Variants in ISM1 observed in about 807,000 individuals in gnomAD.
ISM1 encodes isthmin 1, also known as isthmin-1.
In ISM1, 25 loss-of-function variants were observed where a neutral mutation model predicts 46.3. That is an observed-to-expected ratio of 0.54 (90% CI 0.39 to 0.75). ISM1 has a LOEUF of 0.75. Ranked by LOEUF, ISM1 falls within the 30% of genes least tolerant of loss-of-function variation. The probability of loss-of-function intolerance (pLI) is 0.00; values close to 1 mark genes in which losing one functional copy is unlikely to be tolerated. For synonymous variants in ISM1, 255 were observed against 256.7 expected (o/e 0.99, Z 0.06); for missense variants, 536 against 625.4 (o/e 0.86, Z 1.52).
chr20:13,301,677 G>T (rs545747335), downstream of ISM1, among the ~76,000 whole-genome samples: 100 of 152,162 alleles, frequency 6.6e-4, 1 homozygote, highest in Non-Finnish European at 4.0e-4. Flanking sequence ...ATATAGATTT[G>T]GTTTATAATA....
intron 2 of ISM1, among the ~76,000 whole-genome samples, chr20:13,277,013 G>C (rs888219409): frequency 1.3e-5 from 2 of 152,114 alleles, no homozygotes; most frequent in Non-Finnish European, 2.9e-5. Context: ...TAGCAATTAA[G>C]GGGAAAAATA....
intron 5 of ISM1, among the ~76,000 whole-genome samples, chr20:13,294,479 C>T (rs1036063206): frequency 2.6e-5 from 4 of 152,180 alleles, no homozygotes; most frequent in African/African-American, 7.2e-5. Context: ...TCATATCACA[C>T]CCCACAGGCA....
intron 5 of ISM1, among the ~76,000 whole-genome samples, chr20:13,293,136 G>T (rs1488117331): frequency 6.6e-6 from 1 of 150,486 alleles, no homozygotes; most frequent in Non-Finnish European, 1.5e-5. Flanking sequence ...GGAGGCGGAG[G>T]TTGCAGTGAG....
chr20:13,222,505 C>A (rs759377483), intron 1 of ISM1, among the ~76,000 whole-genome samples: 3 of 152,072 alleles, frequency 2.0e-5, no homozygotes, highest in Admixed American at 1.3e-4. Context: ...CCCCCCTCCC[C>A]CCTTGTGCCC....
chr20:13,318,849 T>C, the ISM1 span, among the ~76,000 whole-genome samples: 1 of 152,174 alleles, frequency 6.6e-6, no homozygotes, highest in African/African-American at 2.4e-5. Flanking sequence ...AGGAAAAAGA[T>C]CAATGGTTGC....
the ISM1 span, among the ~76,000 whole-genome samples, chr20:13,319,156 A>G: frequency 6.6e-5 from 10 of 152,042 alleles, no homozygotes; most frequent in Admixed American, 5.2e-4. Context: ...CTTCTGTTCA[A>G]TTTCGTTATG....
the ISM1 span, among the ~76,000 whole-genome samples, chr20:13,326,361 G>A: frequency 6.6e-6 from 1 of 152,096 alleles, no homozygotes; most frequent in Non-Finnish European, 1.5e-5. Flanking sequence ...CATGTAGTAT[G>A]TATATGTATA....
intron 5 of ISM1, among the ~76,000 whole-genome samples, chr20:13,298,380 T>G (rs1297541031): frequency 6.6e-6 from 1 of 152,196 alleles, no homozygotes; most frequent in Non-Finnish European, 1.5e-5. Flanking sequence ...CCTCCCAAAG[T>G]GCTGGGATTA....
At chr20:13,242,260 A>C (rs2039734748) in intron 1 of ISM1, among the ~76,000 whole-genome samples, 1 of 152,214 alleles carries the variant, frequency 6.6e-6, no homozygotes, top group Non-Finnish European at 1.5e-5. Context: ...ATGGTAAAGA[A>C]GACTAAGCCA....
downstream of ISM1, among the ~76,000 whole-genome samples, chr20:13,305,440 T>TTC (rs2040492743): frequency 6.6e-6 from 1 of 152,168 alleles, no homozygotes; most frequent in Non-Finnish European, 1.5e-5. Context: ...CACAAAGAGT[T>TTC]ATGAATAAGC....
chr20:13,241,278 A>G (rs911046105), intron 1 of ISM1, among the ~76,000 whole-genome samples: 1 of 152,180 alleles, frequency 6.6e-6, no homozygotes, highest in African/African-American at 2.4e-5. Flanking sequence ...GAATATACAA[A>G]TAAGTCTTGC....
At chr20:13,245,686 A>T (rs1162930389) in intron 1 of ISM1, among the ~76,000 whole-genome samples, 2 of 152,114 alleles carry the variant, frequency 1.3e-5, no homozygotes, top group African/African-American at 4.8e-5. Flanking sequence ...TAATTCCTTC[A>T]TTTTATTTCA....
chr20:13,280,116 T>C (rs994438529), intron 3 of ISM1, among the ~76,000 whole-genome samples: 4 of 152,210 alleles, frequency 2.6e-5, no homozygotes, highest in African/African-American at 9.7e-5. Context: ...ATAATCACTA[T>C]ACCAATTATC....
chr20:13,270,588 C>T lies in ISM1; in HGVS notation c.223C>T (p.Gln75Ter). ...AGCACCAAGGGAGCATCTGGACCAC[C>T]AGGCTGCACACCAACCCTTCCCCAG... ...KEAPREHLDHQAAHQPFPRPR... is the reference protein window; with the variant it reads ...KEAPREHLDH Residue 75 changes from glutamine to a stop codon, truncating the protein, a stop_gained, in exon 2 of 6, where the codon CAG (glutamine) becomes TAG (stop). Coordinates refer to ENST00000262487, the MANE Select transcript of ISM1 (RefSeq NM_080826.2). LOFTEE classifies it high-confidence loss of function. 1.2e-6 allele frequency: 2 copies of T among 1,613,972 alleles called. No individual in the cohort carries two copies. The highest frequency in any genetic ancestry group is 1.7e-6 in the Non-Finnish European group (2 of 1,179,876).
At chr20:13,310,297 A>G in the ISM1 span, among the ~76,000 whole-genome samples, 4 of 152,194 alleles carry the variant, frequency 2.6e-5, no homozygotes, top group Non-Finnish European at 5.9e-5. Flanking sequence ...CTGATCTTTG[A>G]CACATTTGCA....
At chr20:13,291,299 G>A (rs1050019245) in intron 4 of ISM1, among the ~76,000 whole-genome samples, 3 of 152,098 alleles carry the variant, frequency 2.0e-5, no homozygotes, top group Non-Finnish European at 4.4e-5. Flanking sequence ...GTAACATGAA[G>A]GATTTCGTTT....
the ISM1 span, among the ~76,000 whole-genome samples, chr20:13,322,369 A>G: frequency 3.3e-5 from 5 of 152,194 alleles, no homozygotes; most frequent in African/African-American, 9.6e-5. Flanking sequence ...TTCTTGGCTA[A>G]GGAACCCAGT....
In ISM1 at chr20:13,228,133, C is replaced by T. The variant is rs76539707; in HGVS notation, c.138+6219C>T. ...GATTACAGGTACCCACCACCATGCC[C>T]GGCTAATTTTTGTATTTTTAGTAGA... is the stretch of plus-strand genomic sequence containing the variant. On this transcript the variant is annotated intron_variant, in intron 1 of 5. Coordinates refer to ENST00000262487, the MANE Select transcript of ISM1 (RefSeq NM_080826.2). Among the ~76,000 whole-genome samples, 770 of 151,632 alleles carry T rather than the reference C, an allele frequency of 5.1e-3. 13 individuals are homozygous for T. The highest frequency in any genetic ancestry group is 0.016 in the African/African-American group (643 of 41,328).
chr20:13,302,710 T>C (rs1174915875), downstream of ISM1, among the ~76,000 whole-genome samples: 1 of 152,186 alleles, frequency 6.6e-6, no homozygotes, highest in Non-Finnish European at 1.5e-5. Flanking sequence ...TTTTTCTCTT[T>C]GAGTGCACTG....
Sources: gnomAD v4.1 joint callset for allele counts (sites outside exome capture counted in the v4.1 genomes callset) on GRCh38, gnomAD v4.1.1 for gene constraint, MANE v1.5 for transcripts, NCBI Gene and HGNC (gene_info 2026-07-23, HGNC 2026-07-21) for gene names.